MYCBP2: variants seen among roughly 807,000 people sequenced by gnomAD.
MYCBP2 encodes E3 ubiquitin-protein ligase MYCBP2.
In MYCBP2, 120 loss-of-function variants were observed where a neutral mutation model predicts 525.3. The observed-to-expected ratio is 0.23, with a 90% CI of 0.20 to 0.27. MYCBP2 has a LOEUF of 0.27. Among genes scored for constraint, MYCBP2 ranks in the 10% least tolerant of loss-of-function variants. The pLI is 1.00. For synonymous variants in MYCBP2, 1,894 were observed against 1,955.8 expected (o/e 0.97, Z 0.83); for missense variants, 4,149 against 5,657.1 (o/e 0.73, Z 8.55).
intron 5 of MYCBP2, among the ~76,000 whole-genome samples, chr13:77,270,869 CTTATT>C (rs1371708679): frequency 1.3e-5 from 2 of 151,978 alleles, no homozygotes; most frequent in African/African-American, 2.4e-5. Context: ...ATCCATGTTT[CTTATT>C]TTATCTTCCA....
In MYCBP2 at chr13:77,061,333, T is replaced by C. The variant is rs182276136; in HGVS notation, c.12904-32A>G. 10 of 1,552,188 alleles carry C rather than the reference T, an allele frequency of 6.4e-6. No homozygotes were observed. In the Admixed American group the frequency reaches 9.8e-5, roughly 15 times the overall value. Reference sequence around the variant, plus strand: ...TTTCATTAAAGAACAGGGAAAAATATGCTTATTTATCACTCTGAAAGGGAG... The same window carrying C: ...TTTCATTAAAGAACAGGGAAAAATACGCTTATTTATCACTCTGAAAGGGAG... On this transcript the variant is annotated intron_variant, in intron 75 of 82. Coordinates refer to ENST00000544440, the MANE Select transcript of MYCBP2 (RefSeq NM_015057.5).
intron 3 of MYCBP2, among the ~76,000 whole-genome samples, chr13:77,283,347 C>T (rs1214713199): frequency 6.6e-6 from 1 of 152,162 alleles, no homozygotes; most frequent in Non-Finnish European, 1.5e-5. Context: ...ATCTAGCACT[C>T]CCTATCAATC....
chr13:77,213,041 G>A (rs1167165722), intron 21 of MYCBP2, among the ~76,000 whole-genome samples: 2 of 152,114 alleles, frequency 1.3e-5, no homozygotes, highest in East Asian at 3.8e-4. Context: ...GGAAGCAACT[G>A]AGCTTCAATC....
intron 44 of MYCBP2, among the ~76,000 whole-genome samples, chr13:77,158,640 G>A (rs1424673308): frequency 6.6e-6 from 1 of 152,088 alleles, no homozygotes. Flanking sequence ...TAGAGATGGG[G>A]TCTTGCTATG....
chr13:77,312,598 T>C (rs74095715), intron 1 of MYCBP2, among the ~76,000 whole-genome samples: 5,881 of 151,802 alleles, frequency 0.039, 395 homozygotes, highest in African/African-American at 0.13. Context: ...AAAGAGATAT[T>C]GCTGAAAAGA....
chr13:77,161,266 T>G (rs976548843), intron 44 of MYCBP2, among the ~76,000 whole-genome samples: 2 of 152,234 alleles, frequency 1.3e-5, no homozygotes, highest in South Asian at 4.1e-4. Context: ...CTAGGCAATT[T>G]TGAGAAATAT....
Position 77,326,611 on chromosome 13 carries a change from T to TAGCCCC in MYCBP2, c.159_164dup (p.Gly54_Leu55dup), listed in dbSNP as rs764522648. On this transcript the variant is annotated inframe_insertion, in exon 1 of 83. Coordinates refer to ENST00000544440, the MANE Select transcript of MYCBP2 (RefSeq NM_015057.5). The surrounding 1 kb of genome is among the most constrained non-coding windows in gnomAD (Gnocchi z 4.2). ...AGTGACCCCGGGAGTCCGCGGCGGGTAGCCCCAGCCCCAGCCCCGCAGCAG... is the reference window on the plus strand; with the variant it reads ...AGTGACCCCGGGAGTCCGCGGCGGGTAGCCCCAGCCCCAGCCCCAGCCCCGCAGCAG... The TAGCCCC allele has an allele frequency of 2.5e-5, 39 of 1,577,310 alleles. No homozygotes were observed. Among genetic ancestry groups the TAGCCCC allele is most frequent in the South Asian group, 3.4e-5 (3 of 87,970 alleles).
chr13:77,171,580 T>C lies in MYCBP2; in HGVS notation c.5706A>G (p.Glu1902=). ...QSQLLSKANE[E]DKNCSRALSV... ...ACAATGCTCTGCTACAGTTTTTATC[T>C]TCTTCATTGGCTTTACTCAGAAGTT... The change falls in exon 38 of 83, where the codon GAA becomes GAG. Residue 1902 remains glutamate (E), a synonymous_variant. Coordinates refer to ENST00000544440, the MANE Select transcript of MYCBP2 (RefSeq NM_015057.5). 1 of 1,614,150 alleles carries C rather than the reference T, an allele frequency of 6.2e-7. No individual in the cohort carries two copies. Among genetic ancestry groups the C allele is most frequent in the Admixed American group, 1.7e-5 (1 of 60,020 alleles).
Position 77,273,455 on chromosome 13 carries a change from A to G in MYCBP2, c.945+17T>C. 1 of 1,551,236 alleles carries G rather than the reference A, an allele frequency of 6.4e-7. No homozygotes were observed. Among genetic ancestry groups the G allele is most frequent in the South Asian group, 1.3e-5 (1 of 79,010 alleles). On this transcript the variant is annotated intron_variant, in intron 5 of 82. Transcript: ENST00000544440. ...TGTCATCTTATAAACTTCTAAGCAG[A>G]TATAAATATGAAATACCTGAATAGT...
intron 26 of MYCBP2, among the ~76,000 whole-genome samples, chr13:77,194,999 A>T (rs1001275765): frequency 2.7e-5 from 4 of 148,982 alleles, no homozygotes; most frequent in African/African-American, 9.7e-5. Context: ...AGAATTATGA[A>T]GAAGAGGTCT....
chr13:77,052,283 C>T (rs1026707412), intron 80 of MYCBP2, among the ~76,000 whole-genome samples: 2 of 152,154 alleles, frequency 1.3e-5, no homozygotes, highest in Non-Finnish European at 2.9e-5. Context: ...CCGACAGCCT[C>T]AACCTCTTGG....
In MYCBP2 at chr13:77,267,754, G is replaced by C. The variant is rs768236609; in HGVS notation, c.1357+87C>G. On this transcript the variant is annotated intron_variant, in intron 8 of 82. Transcript: ENST00000544440. ...CTTTTATAAGCAAGCACTATCCCTT[G>C]CTAATCATTCTTTATGTGTCTAAAT... 4 of 1,034,724 alleles carry C rather than the reference G, an allele frequency of 3.9e-6. No individual in the cohort carries two copies. The South Asian group carries it at 5.3e-5, about 14-fold the overall frequency. 64.1% of individuals were successfully genotyped at this position (1,034,724 alleles called of 1,614,324 possible).
intron 20 of MYCBP2, among the ~76,000 whole-genome samples, chr13:77,222,500 T>G (rs1018638741): frequency 6.6e-6 from 1 of 152,150 alleles, no homozygotes; most frequent in Non-Finnish European, 1.5e-5. Flanking sequence ...TGTTGCCATT[T>G]TTTATGCAGT....
chr13:77,103,452 T>G, intron 55 of MYCBP2: 1 of 389,844 alleles, frequency 2.6e-6, no homozygotes, highest in East Asian at 3.6e-5. Flanking sequence ...CTGCTATATT[T>G]TTGAACAAGT....
intron 43 of MYCBP2, among the ~76,000 whole-genome samples, chr13:77,163,560 C>T (rs1030395545): frequency 6.6e-6 from 1 of 152,106 alleles, no homozygotes; most frequent in Admixed American, 6.5e-5. Flanking sequence ...TTTTTACTTT[C>T]AACTTTACTC....
At chr13:77,190,377 T>G in intron 28 of MYCBP2, 42 bp from the exon 29 acceptor site, 39 of 1,082,938 alleles carry the variant, frequency 3.6e-5, no homozygotes, top group Non-Finnish European at 5.0e-5. Context: ...ACATGATCAT[T>G]ACAGGAAATA....
At chr13:77,086,761 T>C (rs1478180717) in intron 62 of MYCBP2, among the ~76,000 whole-genome samples, 1 of 152,158 alleles carries the variant, frequency 6.6e-6, no homozygotes, top group Non-Finnish European at 1.5e-5. Flanking sequence ...AATTTTTACG[T>C]ATTTTCTTTA....
Position 77,081,571 on chromosome 13 carries a change from G to A in MYCBP2, c.11274C>T (p.Gly3758=), listed in dbSNP as rs758801073. Residue 3758 remains glycine, a synonymous_variant, in exon 65 of 83, where the codon GGC becomes GGT. Transcript: ENST00000544440. The surrounding 1 kb of genome is among the most constrained non-coding windows in gnomAD (Gnocchi z 4.6). ...IKTSSRPAMI[G]SLTDGSTETF... ...TTTCTGTGGAGCCGTCTGTCAAACT[G>A]CCAATCATGGCAGGTCGGCTTGAAG... 1.9e-6 allele frequency: 3 copies of A among 1,613,780 alleles called. No homozygotes were observed. The highest frequency in any genetic ancestry group is 1.1e-5 in the South Asian group (1 of 91,072).
chr13:77,145,878 C>A (rs893702064), intron 48 of MYCBP2, among the ~76,000 whole-genome samples: 8 of 151,498 alleles, frequency 5.3e-5, no homozygotes, highest in African/African-American at 1.7e-4. Flanking sequence ...AACTAATCAA[C>A]CCTAAACAAG....
Sources: gnomAD v4.1 joint callset for allele counts (sites outside exome capture counted in the v4.1 genomes callset) on GRCh38, gnomAD v4.1.1 for gene constraint, Gnocchi (gnomAD v3.1) non-coding constraint, MANE v1.5 for transcripts, NCBI Gene and HGNC (gene_info 2026-07-23, HGNC 2026-07-21) for gene names.